The following TAF3 variants were observed in gnomAD, a reference collection of about 807,000 sequenced individuals.
TAF3 encodes transcription initiation factor TFIID subunit 3.
TAF3 carries 7 observed loss-of-function variants against 80.6 expected under a neutral mutation model. The observed-to-expected ratio is 0.09, with a 90% CI of 0.05 to 0.16. The LOEUF is 0.16. Among genes scored for constraint, TAF3 ranks in the 10% least tolerant of loss-of-function variants. TAF3 has a pLI of 1.00. For synonymous variants in TAF3, 444 were observed against 446.1 expected, an observed-to-expected ratio of 1.00 and a Z score of 0.06; for missense variants, 921 against 1,140.2, an observed-to-expected ratio of 0.81 and a Z score of 2.77.
intron 2 of TAF3, among the ~76,000 whole-genome samples, chr10:7,946,713 A>G (rs1838027542): frequency 1.2e-5 from 1 of 81,406 alleles, no homozygotes; most frequent in African/African-American, 3.5e-5. Flanking sequence ...ACAGAGTAAG[A>G]CCCTGGTCTC....
At chr10:8,000,134 G>GT (rs957462895) in intron 4 of TAF3, among the ~76,000 whole-genome samples, 2 of 152,016 alleles carry the variant, frequency 1.3e-5, no homozygotes, top group Non-Finnish European at 2.9e-5. Flanking sequence ...GTTTTGCTTT[G>GT]TTTTTTGTTT....
intron 3 of TAF3, among the ~76,000 whole-genome samples, chr10:7,975,382 T>A (rs1831663112): frequency 6.6e-6 from 1 of 152,176 alleles, no homozygotes; most frequent in African/African-American, 2.4e-5. Context: ...ATCTTAAGAC[T>A]TACTAGGGTC....
intron 2 of TAF3, among the ~76,000 whole-genome samples, chr10:7,948,391 C>T (rs868708849): frequency 2.6e-5 from 4 of 151,860 alleles, no homozygotes; most frequent in Non-Finnish European, 5.9e-5. Flanking sequence ...GCCCAGCCTT[C>T]GTCTGATTTT....
At chr10:7,918,245 C>T (rs111827447) in intron 2 of TAF3, among the ~76,000 whole-genome samples, 1,663 of 151,996 alleles carry the variant, frequency 0.011, 20 homozygotes, top group Middle Eastern at 0.031. Context: ...TGAAGAGAGA[C>T]GAGAATGTAT....
intron 3 of TAF3, among the ~76,000 whole-genome samples, chr10:7,967,451 G>A (rs1248042402): frequency 6.6e-6 from 1 of 152,170 alleles, no homozygotes; most frequent in Non-Finnish European, 1.5e-5. Context: ...AGACCACCTT[G>A]GTGGAAGGCA....
chr10:7,836,229 A>G (rs1004875949), intron 2 of TAF3, among the ~76,000 whole-genome samples: 1 of 151,116 alleles, frequency 6.6e-6, no homozygotes. Context: ...CTGTCCCTCT[A>G]CATCCACCTC....
rs186067344 is a variant in TAF3 at position 7,893,170 on chromosome 10, C to G, written c.409+68610C>G. On this transcript the variant is annotated intron_variant, in intron 2 of 6. Coordinates refer to ENST00000344293, the MANE Select transcript of TAF3 (RefSeq NM_031923.4). ...TTATAAAAAGACTTTAACATACAGTCTTTGAGTATTTGGGATATATATTGG... is the reference window on the plus strand; with the variant it reads ...TTATAAAAAGACTTTAACATACAGTGTTTGAGTATTTGGGATATATATTGG... 2.9e-3 allele frequency among the ~76,000 whole-genome samples: 448 copies of G among 152,212 alleles called. 3 individuals carry two copies. The highest frequency in any genetic ancestry group is 9.8e-3 in the African/African-American group (405 of 41,532).
Position 8,015,000 on chromosome 10 carries a change from C to G in TAF3, c.*249C>G, listed in dbSNP as rs991988408. On this transcript the variant is annotated 3_prime_UTR_variant, in exon 7 of 7. Coordinates refer to ENST00000344293, the MANE Select transcript of TAF3 (RefSeq NM_031923.4). Reference sequence around the variant, plus strand: ...AGGCGTGGCCTGGGGGCTGCCCCTCCTCCACTTCTCTAATACCAGTGACAA... The same window carrying G: ...AGGCGTGGCCTGGGGGCTGCCCCTCGTCCACTTCTCTAATACCAGTGACAA... 1 of 359,474 alleles carries G rather than the reference C, an allele frequency of 2.8e-6. No individual in the cohort carries two copies. The highest frequency in any genetic ancestry group is 5.2e-6 in the Non-Finnish European group (1 of 194,022). The allele number at this position is 359,474 out of a possible 1,614,324, so 22.3% of individuals were successfully genotyped here.
chr10:7,921,727 T>C (rs1485503908), intron 2 of TAF3, among the ~76,000 whole-genome samples: 2 of 152,128 alleles, frequency 1.3e-5, no homozygotes, highest in Admixed American at 6.5e-5. Flanking sequence ...TTGCAAGCAT[T>C]TGCATTTTTA....
At chr10:7,998,350 T>C (rs1286625162) in intron 4 of TAF3, among the ~76,000 whole-genome samples, 2 of 150,606 alleles carry the variant, frequency 1.3e-5, no homozygotes, top group Non-Finnish European at 3.0e-5. Flanking sequence ...TATCTTATTA[T>C]TACAAAGTTA....
chr10:7,873,932 G>T (rs1214700902), intron 2 of TAF3, among the ~76,000 whole-genome samples: 1 of 152,206 alleles, frequency 6.6e-6, no homozygotes, highest in Non-Finnish European at 1.5e-5. Flanking sequence ...TCTTGGTCAT[G>T]ATTACCGCTG....
intron 2 of TAF3, among the ~76,000 whole-genome samples, chr10:7,923,899 A>G (rs1837790958): frequency 6.6e-6 from 1 of 152,218 alleles, no homozygotes; most frequent in Non-Finnish European, 1.5e-5. Context: ...ATATGAAGTT[A>G]TAATGGAACT....
intron 3 of TAF3, among the ~76,000 whole-genome samples, chr10:7,971,780 A>G (rs927315945): frequency 1.3e-5 from 2 of 152,204 alleles, no homozygotes; most frequent in Non-Finnish European, 2.9e-5. Flanking sequence ...TTAGAGCTTT[A>G]TCAGTTGGTG....
At chr10:7,939,601 CA>C (rs1837958449) in intron 2 of TAF3, among the ~76,000 whole-genome samples, 1 of 150,818 alleles carries the variant, frequency 6.6e-6, no homozygotes, top group African/African-American at 2.4e-5. Flanking sequence ...CACACACACA[CA>C]CACACACACA....
Position 7,965,508 on chromosome 10 carries a change from C to T in TAF3, c.1998C>T (p.Phe666=), listed in dbSNP as rs751850162. The change falls in exon 3 of 7, where the codon TTC becomes TTT. Residue 666 remains phenylalanine, a synonymous_variant. Coordinates refer to ENST00000344293, the MANE Select transcript of TAF3 (RefSeq NM_031923.4). ...CAAAAGAGTTGGCCCTGCCCTTGTT[C>T]AGCCCTGCCACAGCCTCCAGGGTCC... is the stretch of plus-strand genomic sequence containing the variant. The part of the protein sequence containing the change: ...LPPKELALPL[F]SPATASRVPA... 5 of 1,602,684 alleles carry T rather than the reference C, an allele frequency of 3.1e-6. No individual in the cohort carries two copies. The Admixed American group carries it at 8.8e-5, about 28-fold the overall frequency.
At chr10:7,827,887 TCAAGGCTG>T (rs938808118) in intron 2 of TAF3, among the ~76,000 whole-genome samples, 2 of 151,578 alleles carry the variant, frequency 1.3e-5, no homozygotes, top group Non-Finnish European at 2.9e-5. Context: ...AGCCCAGGGG[TCAAGGCTG>T]CAGTGAGCTA....
intron 2 of TAF3, among the ~76,000 whole-genome samples, chr10:7,866,200 T>G (rs1837213241): frequency 6.6e-6 from 1 of 152,210 alleles, no homozygotes; most frequent in Non-Finnish European, 1.5e-5. Context: ...TTCCCTTCTT[T>G]CAGCACATGT....
intron 2 of TAF3, among the ~76,000 whole-genome samples, chr10:7,840,658 C>T (rs1277243006): frequency 6.6e-6 from 1 of 151,882 alleles, no homozygotes; most frequent in Non-Finnish European, 1.5e-5. Flanking sequence ...CAAGGAGGAG[C>T]AGGCAATACA....
At chr10:7,840,650 A>G (rs566197520) in intron 2 of TAF3, among the ~76,000 whole-genome samples, 1 of 152,120 alleles carries the variant, frequency 6.6e-6, no homozygotes, top group East Asian at 1.9e-4. Flanking sequence ...GGGAATATCA[A>G]GGAGGAGCAG....
Sources: gnomAD v4.1 joint callset for allele counts (sites outside exome capture counted in the v4.1 genomes callset) on GRCh38, gnomAD v4.1.1 for gene constraint, MANE v1.5 for transcripts, NCBI Gene and HGNC (gene_info 2026-07-23, HGNC 2026-07-21) for gene names.